The following FHIT variants were observed in gnomAD, a reference collection of about 807,000 sequenced individuals.
The protein encoded by FHIT is bis(5'-adenosyl)-triphosphatase.
Under a neutral mutation model 17.9 loss-of-function variants are expected in FHIT, and 19 were observed. That is an observed-to-expected ratio of 1.06 (90% CI 0.74 to 1.56). The LOEUF is 1.56. Ranked by LOEUF, FHIT falls within the 40% of genes most tolerant of loss-of-function variation. FHIT has a pLI of 0.00. For missense variants in FHIT, 248 were observed against 189.2 expected, an observed-to-expected ratio of 1.31 and a Z score of -1.82; for synonymous variants, 81 against 69.7, an observed-to-expected ratio of 1.16 and a Z score of -0.81.
intron 3 of FHIT, among the ~76,000 whole-genome samples, chr3:60,992,746 A>G (rs1163334706): frequency 1.3e-5 from 2 of 152,226 alleles, no homozygotes; most frequent in Admixed American, 1.3e-4. Flanking sequence ...GCATTAAATG[A>G]AAGTTCGAGG....
intron 5 of FHIT, among the ~76,000 whole-genome samples, chr3:60,244,338 G>C (rs1206433348): frequency 1.3e-5 from 2 of 151,918 alleles, no homozygotes; most frequent in Admixed American, 6.6e-5. Flanking sequence ...AAGAGAGAAG[G>C]ATAAAAGGTC....
At chr3:59,893,398 G>T (rs1326424873) in intron 8 of FHIT, among the ~76,000 whole-genome samples, 2 of 152,130 alleles carry the variant, frequency 1.3e-5, no homozygotes, top group Non-Finnish European at 2.9e-5. Flanking sequence ...AAGAAGAAAA[G>T]AATATAACAT....
intron 8 of FHIT, among the ~76,000 whole-genome samples, chr3:59,834,715 G>A (rs921939477): frequency 1.3e-5 from 2 of 152,038 alleles, no homozygotes; most frequent in South Asian, 2.1e-4. Context: ...ACTTATCAAA[G>A]GTCCCACCTT....
intron 3 of FHIT, among the ~76,000 whole-genome samples, chr3:60,830,267 A>C (rs1008260293): frequency 7.9e-5 from 12 of 152,110 alleles, no homozygotes; most frequent in Non-Finnish European, 1.8e-4. Flanking sequence ...ATAAAGGGTA[A>C]AGAGAAAATT....
intron 8 of FHIT, among the ~76,000 whole-genome samples, chr3:59,920,503 C>T (rs971705442): frequency 1.3e-5 from 2 of 152,160 alleles, no homozygotes; most frequent in African/African-American, 2.4e-5. Flanking sequence ...ATACACCAAC[C>T]ACAGCACTGT....
At chr3:60,164,466 T>C (rs1271816559) in intron 5 of FHIT, among the ~76,000 whole-genome samples, 1 of 152,190 alleles carries the variant, frequency 6.6e-6, no homozygotes, top group Non-Finnish European at 1.5e-5. Context: ...CACGTTTCCG[T>C]GATGGATATT....
At chr3:60,623,307 G>A (rs2039186798) in intron 4 of FHIT, among the ~76,000 whole-genome samples, 1 of 152,118 alleles carries the variant, frequency 6.6e-6, no homozygotes, top group South Asian at 2.1e-4. Context: ...GTGCTACATG[G>A]CATGCTCTAA....
At chr3:60,899,429 CT>C (rs1705989262) in intron 3 of FHIT, among the ~76,000 whole-genome samples, 1 of 152,170 alleles carries the variant, frequency 6.6e-6, no homozygotes, top group Non-Finnish European at 1.5e-5. Flanking sequence ...CCTGCAACGC[CT>C]ACATAAGCTT....
intron 5 of FHIT, among the ~76,000 whole-genome samples, chr3:60,347,185 G>A (rs1476504459): frequency 2.0e-5 from 3 of 151,786 alleles, no homozygotes; most frequent in Non-Finnish European, 4.4e-5. Context: ...TAGTAAAGAA[G>A]AATAGACTAA....
intron 7 of FHIT, among the ~76,000 whole-genome samples, chr3:59,960,420 G>A (rs758703782): frequency 2.6e-5 from 4 of 152,194 alleles, no homozygotes; most frequent in Non-Finnish European, 4.4e-5. Context: ...TGACCAGATA[G>A]ATGTTGCTAC....
intron 5 of FHIT, among the ~76,000 whole-genome samples, chr3:60,049,176 C>T (rs1701772398): frequency 6.6e-6 from 1 of 152,142 alleles, no homozygotes; most frequent in Admixed American, 6.6e-5. Context: ...GGGTTTTATG[C>T]TCAACTTATT....
rs184047581 is a variant in FHIT, at chr3:59,993,845, C to T, written c.279+17526G>A. On this transcript the variant is annotated intron_variant, in intron 7 of 9. Coordinates refer to ENST00000492590, the MANE Select transcript of FHIT (RefSeq NM_002012.4). ...GAACCTCAGTTAACCTCATCTTTAA[C>T]ATGGGGATAAAATTCCTGGCACCAT... 1.1e-3 allele frequency among the ~76,000 whole-genome samples: 167 copies of T among 152,162 alleles called. 1 individual carries two copies. Among genetic ancestry groups the T allele is most frequent in the African/African-American group, 3.8e-3 (159 of 41,534 alleles).
intron 8 of FHIT, among the ~76,000 whole-genome samples, chr3:59,900,246 C>T (rs148583052): frequency 6.6e-6 from 1 of 152,198 alleles, no homozygotes; most frequent in Admixed American, 6.5e-5. Context: ...ACTCACCCCA[C>T]AGGGCATGAG....
chr3:60,563,049 G>A (rs1315335824), intron 4 of FHIT, among the ~76,000 whole-genome samples: 1 of 152,132 alleles, frequency 6.6e-6, no homozygotes, highest in African/African-American at 2.4e-5. Flanking sequence ...GAAGTTTTTA[G>A]GCAAGGGAGA....
intron 5 of FHIT, among the ~76,000 whole-genome samples, chr3:60,057,590 T>C (rs2106910425): frequency 6.6e-6 from 1 of 152,244 alleles, no homozygotes; most frequent in Admixed American, 6.5e-5. Flanking sequence ...CCATAGATAG[T>C]TTTTTGGATA....
chr3:60,374,969 G>A (rs965724059), intron 5 of FHIT, among the ~76,000 whole-genome samples: 1 of 151,984 alleles, frequency 6.6e-6, no homozygotes, highest in South Asian at 2.1e-4. Flanking sequence ...AGTTGAGTCA[G>A]GGAAGGTTTC....
chr3:60,300,005 G>C (rs560812484), intron 5 of FHIT, among the ~76,000 whole-genome samples: 1 of 152,146 alleles, frequency 6.6e-6, no homozygotes, highest in East Asian at 1.9e-4. Context: ...TGTGCCCTCT[G>C]TCAGCTAAGG....
chr3:60,365,931 T>G (rs1700088129), intron 5 of FHIT, among the ~76,000 whole-genome samples: 1 of 152,210 alleles, frequency 6.6e-6, no homozygotes, highest in Non-Finnish European at 1.5e-5. Flanking sequence ...TCATAGATGC[T>G]AATGCCTCTT....
intron 5 of FHIT, among the ~76,000 whole-genome samples, chr3:60,492,848 G>T (rs1015734752): frequency 2.6e-5 from 4 of 152,092 alleles, no homozygotes; most frequent in Admixed American, 6.5e-5. Context: ...GTGCACAAAA[G>T]ATTTAGTGCA....
Sources: allele counts gnomAD v4.1 joint callset (sites outside exome capture counted in the v4.1 genomes callset), GRCh38; gene constraint gnomAD v4.1.1; transcripts MANE v1.5; gene names NCBI Gene and HGNC (gene_info 2026-07-23, HGNC 2026-07-21).